Variants in SUPT20H observed in about 807,000 individuals in gnomAD.
SUPT20H encodes SPT20 homolog, SAGA complex component, also known as transcription factor SPT20 homolog.
Under a neutral mutation model 122.8 loss-of-function variants are expected in SUPT20H, and 82 were observed. The observed-to-expected ratio is 0.67, with a 90% CI of 0.56 to 0.80. The LOEUF (loss-of-function observed/expected upper bound fraction) is 0.80, where lower values mean the gene tolerates loss of function less well. Ranked by LOEUF, SUPT20H falls within the 30% of genes least tolerant of loss-of-function variation. The probability of loss-of-function intolerance (pLI) is 0.00; values close to 1 mark genes in which losing one functional copy is unlikely to be tolerated. For missense variants in SUPT20H, 831 were observed against 921.6 expected, an observed-to-expected ratio of 0.90 and a Z score of 1.27; for synonymous variants, 291 against 313.0, an observed-to-expected ratio of 0.93 and a Z score of 0.74.
chr13:37,051,620 T>A, intron 1 of SUPT20H, 37 bp from the exon 2 acceptor site: 1 of 563,806 alleles, frequency 1.8e-6, no homozygotes, highest in Non-Finnish European at 3.0e-6. Flanking sequence ...AATATTAACA[T>A]AAGGCTATTA....
intron 7 of SUPT20H, among the ~76,000 whole-genome samples, chr13:37,041,504 C>T (rs1432123895): frequency 6.7e-6 from 1 of 148,420 alleles, no homozygotes; most frequent in Non-Finnish European, 1.5e-5. Flanking sequence ...GGTGACAGAA[C>T]GAGACTCCAC....
chr13:37,012,098 A>G, intron 24 of SUPT20H, 94 bp downstream of exon 24: 1 of 955,896 alleles, frequency 1.0e-6, no homozygotes. Flanking sequence ...TACTGGTTGC[A>G]AGGGAAGGAA....
At position 37,034,237 on chromosome 13, in the gene SUPT20H, A is replaced by T. The variant is rs74950474; in HGVS notation, c.568-649T>A. Among the ~76,000 whole-genome samples the T allele has an allele frequency of 6.8e-3, 1,035 of 152,356 alleles. 13 individuals are homozygous for T. The highest frequency in any genetic ancestry group is 0.024 in the African/African-American group (985 of 41,586). On this transcript the variant is annotated intron_variant, in intron 9 of 25. Coordinates refer to ENST00000350612, the MANE Select transcript of SUPT20H (RefSeq NM_001014286.3). The stretch of plus-strand genomic sequence containing the variant: ...ATTAAGCTTAGTGAGAAAGGCCTAT[A>T]AACAGCTACAACAGGCCAAAAGCTA...
At chr13:37,043,217 T>A (rs990933746) in intron 7 of SUPT20H, among the ~76,000 whole-genome samples, 1 of 152,224 alleles carries the variant, frequency 6.6e-6, no homozygotes, top group African/African-American at 2.4e-5. Context: ...ATACATCAAC[T>A]ATTTTAACGG....
chr13:37,042,598 C>T (rs2065689828), intron 7 of SUPT20H, among the ~76,000 whole-genome samples: 1 of 152,118 alleles, frequency 6.6e-6, no homozygotes, highest in Non-Finnish European at 1.5e-5. Context: ...CAGTTATATC[C>T]ACTGATCTTT....
intron 1 of SUPT20H, among the ~76,000 whole-genome samples, chr13:37,059,009 A>G (rs1438340631): frequency 6.6e-6 from 1 of 152,188 alleles, no homozygotes; most frequent in East Asian, 1.9e-4. Flanking sequence ...CGCAGTGGCT[A>G]CGGGAGATGG....
rs551052815 is a variant in SUPT20H, at chr13:37,053,751, A to C, written c.-93-2168T>G. 7.6e-4 allele frequency among the ~76,000 whole-genome samples: 116 copies of C among 152,034 alleles called. 2 individuals are homozygous for C. Among genetic ancestry groups the C allele is most frequent in the African/African-American group, 2.6e-3 (109 of 41,500 alleles). ...ATACAAAAAACAAAAACAAAAACAA[A>C]ACGAAACCTCACTCCTTGGGTACAT... On this transcript the variant is annotated intron_variant, in intron 1 of 25. Coordinates refer to ENST00000350612, the MANE Select transcript of SUPT20H (RefSeq NM_001014286.3).
intron 20 of SUPT20H, 36 bp from the exon 21 acceptor site, chr13:37,021,638 G>A (rs554703387): frequency 2.6e-6 from 4 of 1,556,360 alleles, no homozygotes; most frequent in East Asian, 4.6e-5. Context: ...AAACTTCACT[G>A]TAAAAGGAAA....
intron 21 of SUPT20H, among the ~76,000 whole-genome samples, chr13:37,020,181 A>T (rs1050122879): frequency 2.6e-5 from 4 of 152,156 alleles, no homozygotes; most frequent in Non-Finnish European, 5.9e-5. Context: ...CTATTTAAAA[A>T]TGTATCTAGT....
At position 37,021,518 on chromosome 13, in the gene SUPT20H, G is replaced by A. The variant is rs758816969; in HGVS notation, c.1746C>T (p.Ser582=). The change falls in exon 21 of 26, where the codon AGC becomes AGT. Residue 582 remains serine, a synonymous_variant. Transcript: ENST00000350612. ...GAITPAGINL[S]GLLPSGGLLP... ...GCAGACCTCCTGAGGGTAGAAGGCC[G>A]CTCAGGTTTATTCCTGCAGGAGTTA... The A allele has an allele frequency of 1.1e-5, 18 of 1,613,626 alleles. No individual in the cohort carries two copies. Among genetic ancestry groups the A allele is most frequent in the African/African-American group, 1.1e-4 (8 of 74,878 alleles).
intron 7 of SUPT20H, 101 bp downstream of exon 7, chr13:37,043,977 T>A: frequency 1.6e-6 from 1 of 614,388 alleles, no homozygotes; most frequent in African/African-American, 1.9e-5. Context: ...CATCATGTAG[T>A]CGTTTATATA....
Position 37,022,367 on chromosome 13 carries a change from C to A in SUPT20H, c.1592-287G>T. On this transcript the variant is annotated intron_variant, in intron 19 of 25. Transcript: ENST00000350612. The surrounding 1 kb of genome is among the most constrained non-coding windows in gnomAD (Gnocchi z 4.5). ...TGCTAGTTTGTTATAAATGGCCAGT[C>A]CTTTTAAAATAAGGTTAATGGAATC... 7.5e-7 allele frequency: 1 copy of A among 1,341,342 alleles called. No individual in the cohort carries two copies. The highest frequency in any genetic ancestry group is 2.2e-5 in the South Asian group (1 of 46,030). The allele number at this position is 1,341,342 out of a possible 1,614,324, so 83.1% of individuals were successfully genotyped here. A position where few individuals can be genotyped will look rare whatever the true frequency, so the allele number is the denominator to read the frequency against.
At chr13:37,033,153 C>T (rs973549064) in intron 10 of SUPT20H, among the ~76,000 whole-genome samples, 2 of 150,804 alleles carry the variant, frequency 1.3e-5, no homozygotes, top group Non-Finnish European at 3.0e-5. Flanking sequence ...AATAATAATA[C>T]TATATAAAAA....
chr13:37,012,416 A>G (rs1229844606), intron 23 of SUPT20H, 119 bp from the exon 24 acceptor site: 1 of 643,244 alleles, frequency 1.6e-6, no homozygotes, highest in Non-Finnish European at 2.7e-6. Flanking sequence ...TCTTGTAAAA[A>G]GAATAACAAG....
intron 23 of SUPT20H, chr13:37,013,736 C>G (rs753836070): frequency 4.6e-5 from 7 of 151,898 alleles, no homozygotes; most frequent in Non-Finnish European, 8.8e-5. Context: ...AATTGCAAGC[C>G]AAACATTTCA....
At chr13:37,053,619 A>G (rs2068243783) in intron 1 of SUPT20H, among the ~76,000 whole-genome samples, 1 of 152,100 alleles carries the variant, frequency 6.6e-6, no homozygotes, top group Non-Finnish European at 1.5e-5. Context: ...ACAGCAAACC[A>G]CCATGGCACA....
chr13:37,048,467 G>A, intron 3 of SUPT20H, 97 bp downstream of exon 3: 1 of 1,096,318 alleles, frequency 9.1e-7, no homozygotes, highest in Non-Finnish European at 1.3e-6. Context: ...AAATAGTAAT[G>A]TGCTCCTTTA....
intron 1 of SUPT20H, among the ~76,000 whole-genome samples, chr13:37,054,365 C>T (rs914209165): frequency 6.6e-6 from 1 of 152,118 alleles, no homozygotes; most frequent in Non-Finnish European, 1.5e-5. Flanking sequence ...TGCAAAAATC[C>T]TCAATAAAAT....
chr13:37,040,635 T>C lies in SUPT20H; in HGVS notation c.454A>G (p.Ser152Gly), dbSNP rs772333510. The C allele has an allele frequency of 3.7e-6, 6 of 1,614,158 alleles. No individual in the cohort carries two copies. The highest frequency in any genetic ancestry group is 4.5e-5 in the East Asian group (2 of 44,856). The change falls in exon 8 of 26, where the codon AGT becomes GGT. Residue 152 changes from serine (S) to glycine (G), a missense_variant. Transcript: ENST00000350612. ...TGGTAACCAGGAGATTTCATGTTAC[T>C]GGACTGCCTGTAGTCACGTATTTCT... ...IAEIRDYRQSSNMKSPGYQSR... is the reference protein window; with the variant it reads ...IAEIRDYRQSGNMKSPGYQSR...
Sources: allele counts gnomAD v4.1 joint callset (sites outside exome capture counted in the v4.1 genomes callset), GRCh38; gene constraint gnomAD v4.1.1; non-coding constraint Gnocchi (gnomAD v3.1); transcripts MANE v1.5; gene names NCBI Gene and HGNC (gene_info 2026-07-23, HGNC 2026-07-21).